Variants in MAGI1 observed in about 807,000 individuals in gnomAD.
MAGI1 encodes membrane-associated guanylate kinase, WW and PDZ domain-containing protein 1.
In MAGI1, 58 loss-of-function variants were observed where a neutral mutation model predicts 139.9. The observed-to-expected ratio is 0.41, with a 90% CI of 0.34 to 0.52. The LOEUF (loss-of-function observed/expected upper bound fraction) is 0.52. MAGI1 is among the 20% of genes least tolerant of loss of function. MAGI1 has a pLI of 0.12. For synonymous variants in MAGI1, 812 were observed against 737.9 expected (o/e 1.10, Z -1.63); for missense variants, 1,874 against 1,901.6 (o/e 0.99, Z 0.27).
chr3:65,860,355 T>C (rs2059514213), intron 1 of MAGI1, among the ~76,000 whole-genome samples: 1 of 152,244 alleles, frequency 6.6e-6, no homozygotes, highest in South Asian at 2.1e-4. Flanking sequence ...CTAAGTTTAC[T>C]GTAATTTTGT....
intron 1 of MAGI1, among the ~76,000 whole-genome samples, chr3:65,759,533 C>CA (rs922654721): frequency 1.3e-4 from 19 of 151,988 alleles, no homozygotes; most frequent in Admixed American, 4.6e-4. Flanking sequence ...ACCCAACATA[C>CA]AAAAAAAGCA....
At chr3:65,484,262 T>C (rs1299165414) in intron 3 of MAGI1, among the ~76,000 whole-genome samples, 6 of 152,142 alleles carry the variant, frequency 3.9e-5, no homozygotes, top group East Asian at 1.9e-4. Flanking sequence ...AGGCCCAAAG[T>C]GGCAGAAACG....
At chr3:65,733,040 T>G (rs2034345741) in intron 1 of MAGI1, among the ~76,000 whole-genome samples, 1 of 151,998 alleles carries the variant, frequency 6.6e-6, no homozygotes, top group Admixed American at 6.5e-5. Context: ...TTTCTGTCAT[T>G]GTTGTGGGTT....
At chr3:65,808,464 A>G (rs1575573271) in intron 1 of MAGI1, among the ~76,000 whole-genome samples, 1 of 152,098 alleles carries the variant, frequency 6.6e-6, no homozygotes, top group African/African-American at 2.4e-5. Flanking sequence ...TGCCACTGCA[A>G]TCCAGCCTGG....
intron 1 of MAGI1, among the ~76,000 whole-genome samples, chr3:65,924,417 G>A (rs1031350242): frequency 2.0e-5 from 3 of 152,172 alleles, no homozygotes; most frequent in Non-Finnish European, 2.9e-5. Context: ...TAAGATACAT[G>A]AGTCCCATTT....
chr3:65,995,707 T>C (rs1465064367), intron 1 of MAGI1, among the ~76,000 whole-genome samples: 1 of 152,204 alleles, frequency 6.6e-6, no homozygotes, highest in East Asian at 1.9e-4. Context: ...CAGCTGAGCA[T>C]GCGCTGCTCC....
intron 1 of MAGI1, among the ~76,000 whole-genome samples, chr3:65,941,498 G>A (rs2063313285): frequency 6.6e-6 from 1 of 152,158 alleles, no homozygotes; most frequent in South Asian, 2.1e-4. Context: ...GTAGGATGTT[G>A]AAGCAGTATC....
chr3:65,798,356 A>G (rs1003526873), intron 1 of MAGI1, among the ~76,000 whole-genome samples: 42 of 152,248 alleles, frequency 2.8e-4, no homozygotes, highest in African/African-American at 9.9e-4. Context: ...GAAGCACTGA[A>G]AATGACAACC....
At chr3:65,582,537 A>C (rs541013241) in intron 2 of MAGI1, among the ~76,000 whole-genome samples, 20 of 152,208 alleles carry the variant, frequency 1.3e-4, no homozygotes, top group Non-Finnish European at 2.5e-4. Flanking sequence ...TAGGTGCATC[A>C]CATCAAAGAG....
intron 7 of MAGI1, among the ~76,000 whole-genome samples, chr3:65,446,740 T>C (rs1291265670): frequency 6.6e-6 from 1 of 152,200 alleles, no homozygotes; most frequent in East Asian, 1.9e-4. Context: ...AAATTCTTTT[T>C]TTGATCAAAT....
intron 1 of MAGI1, among the ~76,000 whole-genome samples, chr3:65,709,107 A>C (rs969853084): frequency 2.0e-5 from 3 of 152,242 alleles, no homozygotes; most frequent in Non-Finnish European, 4.4e-5. Context: ...AGTGATTTTC[A>C]AGTAAACATG....
rs540500314 is a variant in MAGI1, at chr3:65,876,350, C to G, written c.313+161646G>C. 1.6e-3 allele frequency among the ~76,000 whole-genome samples: 239 copies of G among 151,924 alleles called. 4 individuals carry two copies. The highest frequency in any genetic ancestry group is 5.1e-3 in the African/African-American group (211 of 41,418). ...TCCATCTCCTAACCCACTCACCACC[C>G]CCCCCAAAAAAGGCAATATAATTAT... On this transcript the variant is annotated intron_variant, in intron 1 of 22. Transcript: ENST00000402939.
intron 1 of MAGI1, among the ~76,000 whole-genome samples, chr3:65,843,066 G>A (rs11710030): frequency 0.13 from 19,692 of 152,042 alleles, 1,574 homozygotes; most frequent in South Asian, 0.29. Context: ...TCATAACCCT[G>A]AATACTTTTC....
chr3:65,784,047 T>C (rs1038246186), intron 1 of MAGI1, among the ~76,000 whole-genome samples: 1 of 151,424 alleles, frequency 6.6e-6, no homozygotes, highest in Non-Finnish European at 1.5e-5. Context: ...CCCTTGAACC[T>C]GGGAGGTGGA....
intron 1 of MAGI1, among the ~76,000 whole-genome samples, chr3:65,796,167 G>A (rs2040136296): frequency 6.6e-6 from 1 of 152,050 alleles, no homozygotes. Context: ...GGGAAGAACT[G>A]ATGCAAAGAC....
At chr3:65,832,384 T>C (rs1363095395) in intron 1 of MAGI1, among the ~76,000 whole-genome samples, 1 of 152,144 alleles carries the variant, frequency 6.6e-6, no homozygotes. Context: ...GTAATGAAAC[T>C]GAACACACTG....
intron 1 of MAGI1, among the ~76,000 whole-genome samples, chr3:65,731,923 GT>G (rs1157936443): frequency 2.6e-5 from 4 of 152,132 alleles, no homozygotes; most frequent in African/African-American, 9.7e-5. Flanking sequence ...TTTAGAAACT[GT>G]TGTGTACAAT....
At chr3:65,780,351 T>C (rs765971705) in intron 1 of MAGI1, among the ~76,000 whole-genome samples, 1 of 152,208 alleles carries the variant, frequency 6.6e-6, no homozygotes, top group Non-Finnish European at 1.5e-5. Context: ...ATATACTGAT[T>C]AATTTCAGTC....
chr3:65,648,681 C>A (rs1009797273), intron 1 of MAGI1, among the ~76,000 whole-genome samples: 4 of 152,118 alleles, frequency 2.6e-5, no homozygotes, highest in African/African-American at 9.7e-5. Context: ...ATCAAAATCC[C>A]ATGAATGTTT....
Sources: gnomAD v4.1 joint callset for allele counts (sites outside exome capture counted in the v4.1 genomes callset) on GRCh38, gnomAD v4.1.1 for gene constraint, MANE v1.5 for transcripts, NCBI Gene and HGNC (gene_info 2026-07-23, HGNC 2026-07-21) for gene names.